The following PIK3C2A variants were observed in gnomAD, a reference collection of about 807,000 sequenced individuals.
PIK3C2A encodes phosphatidylinositol-4-phosphate 3-kinase catalytic subunit type 2 alpha.
A neutral mutation model predicts 204.5 loss-of-function variants in PIK3C2A; 97 were observed. The ratio of observed to expected loss-of-function variants is 0.47; its 90% confidence interval spans 0.40 to 0.56. PIK3C2A has a LOEUF of 0.56. PIK3C2A is among the 20% of genes least tolerant of loss of function. The probability of loss-of-function intolerance (pLI) is 0.00; values close to 1 mark genes in which losing one functional copy is unlikely to be tolerated. For missense variants in PIK3C2A, 1,735 were observed against 1,969.2 expected, an observed-to-expected ratio of 0.88 and a Z score of 2.25; for synonymous variants, 653 against 664.4, an observed-to-expected ratio of 0.98 and a Z score of 0.26.
At chr11:17,098,674 C>T (rs542333355) in intron 26 of PIK3C2A, among the ~76,000 whole-genome samples, 1 of 152,278 alleles carries the variant, frequency 6.6e-6, no homozygotes, top group Admixed American at 6.5e-5. Context: ...GAAGGCTATA[C>T]AAAAGTCAGC....
rs768487139 is a variant in PIK3C2A, at chr11:17,150,637, T to C, written c.1188A>G (p.Pro396=). The change falls in exon 4 of 33, where the codon CCA becomes CCG. Residue 396 remains proline, a synonymous_variant. Transcript: ENST00000691414. Reference sequence around the variant, plus strand: ...CTGGGTTTGTGCGGTGATTGGTATATGGAAATTTGGTCTTCAATCTGTTCA... The same window carrying C: ...CTGGGTTTGTGCGGTGATTGGTATACGGAAATTTGGTCTTCAATCTGTTCA... ...RSITKLKTKF[P]YTNHRTNPGY... 13 of 1,595,126 alleles carry C rather than the reference T, an allele frequency of 8.1e-6. No homozygotes were observed. Among genetic ancestry groups the C allele is most frequent in the Admixed American group, 1.8e-5 (1 of 54,708 alleles).
At chr11:17,192,592 G>A (rs1851980464) in intron 1 of PIK3C2A, among the ~76,000 whole-genome samples, 2 of 152,326 alleles carry the variant, frequency 1.3e-5, no homozygotes, top group South Asian at 2.1e-4. Context: ...GATTACAGGT[G>A]TGTGCTACCA....
intron 19 of PIK3C2A, among the ~76,000 whole-genome samples, chr11:17,116,593 T>C (rs1477202636): frequency 6.6e-6 from 1 of 151,596 alleles, no homozygotes; most frequent in African/African-American, 2.4e-5. Flanking sequence ...ATAGCAGTAT[T>C]CTTTTTTTTT....
At chr11:17,164,409 G>C (rs558776463) in intron 2 of PIK3C2A, among the ~76,000 whole-genome samples, 1 of 151,774 alleles carries the variant, frequency 6.6e-6, no homozygotes, top group African/African-American at 2.4e-5. Flanking sequence ...CCCCTCTTAG[G>C]ATATACTCAA....
intron 1 of PIK3C2A, among the ~76,000 whole-genome samples, chr11:17,178,108 A>AAAG (rs1851400117): frequency 1.0e-5 from 1 of 96,794 alleles, no homozygotes; most frequent in Middle Eastern, 5.0e-3. Context: ...AAAAAAAAAA[A>AAAG]AAAAGAAAAA....
chr11:17,115,033 T>C (rs1248959237), intron 19 of PIK3C2A, among the ~76,000 whole-genome samples: 2 of 152,178 alleles, frequency 1.3e-5, no homozygotes, highest in Non-Finnish European at 2.9e-5. Context: ...TAGTTTATAA[T>C]TAAGATTGTA....
At chr11:17,119,366 C>G in intron 16 of PIK3C2A, 53 bp from the exon 17 acceptor site, 1 of 1,077,216 alleles carries the variant, frequency 9.3e-7, no homozygotes, top group Non-Finnish European at 1.4e-6. Context: ...TCCAGTGAAG[C>G]TGTATTTTTT....
chr11:17,205,134 G>A (rs1423041870), intron 1 of PIK3C2A, among the ~76,000 whole-genome samples: 2 of 151,852 alleles, frequency 1.3e-5, no homozygotes, highest in South Asian at 2.1e-4. Context: ...CTGAGATCAC[G>A]CCACTGCACT....
intron 26 of PIK3C2A, among the ~76,000 whole-genome samples, chr11:17,098,604 T>G (rs1848522704): frequency 6.6e-6 from 1 of 152,166 alleles, no homozygotes; most frequent in South Asian, 2.1e-4. Context: ...CCAATGAATC[T>G]CTCTTAAAAA....
intron 1 of PIK3C2A, among the ~76,000 whole-genome samples, chr11:17,196,226 T>C (rs1281357227): frequency 1.3e-5 from 2 of 152,174 alleles, no homozygotes; most frequent in African/African-American, 4.8e-5. Flanking sequence ...TTATTAAATT[T>C]GATATACCTC....
At chr11:17,139,416 C>T (rs575280039) in intron 8 of PIK3C2A, among the ~76,000 whole-genome samples, 2 of 151,628 alleles carry the variant, frequency 1.3e-5, no homozygotes, top group African/African-American at 4.8e-5. Context: ...TTAGTAGAGA[C>T]CGGCTTTCGC....
chr11:17,128,067 T>C (rs531863208), intron 13 of PIK3C2A, among the ~76,000 whole-genome samples: 1 of 152,234 alleles, frequency 6.6e-6, no homozygotes, highest in East Asian at 1.9e-4. Context: ...CACCACTTAT[T>C]TCATAGAGCA....
intron 17 of PIK3C2A, among the ~76,000 whole-genome samples, 155 bp downstream of exon 17, chr11:17,119,065 G>A (rs1849292335): frequency 6.6e-6 from 1 of 152,118 alleles, no homozygotes; most frequent in Admixed American, 6.5e-5. Flanking sequence ...GACAATAGTG[G>A]GGAAAAAATT....
chr11:17,120,303 A>G (rs1176400938), intron 15 of PIK3C2A, among the ~76,000 whole-genome samples: 2 of 152,130 alleles, frequency 1.3e-5, no homozygotes, highest in African/African-American at 4.8e-5. Context: ...ACCCTAAGAG[A>G]TAGCAAGGAT....
intron 8 of PIK3C2A, among the ~76,000 whole-genome samples, chr11:17,143,467 G>C (rs2137415945): frequency 6.6e-6 from 1 of 152,098 alleles, no homozygotes; most frequent in South Asian, 2.1e-4. Flanking sequence ...CCCACCCTAG[G>C]CTAAAAACAC....
chr11:17,153,690 T>A (rs1219677548), intron 3 of PIK3C2A, among the ~76,000 whole-genome samples: 1 of 152,220 alleles, frequency 6.6e-6, no homozygotes, highest in Non-Finnish European at 1.5e-5. Flanking sequence ...TCCAAGTCTG[T>A]TTTGTATTTT....
Position 17,122,170 on chromosome 11 carries a change from A to C in PIK3C2A, c.2657+18T>G, listed in dbSNP as rs573536547. 1 of 1,544,488 alleles carries C rather than the reference A, an allele frequency of 6.5e-7. No individual in the cohort carries two copies. The highest frequency in any genetic ancestry group is 1.1e-5 in the South Asian group (1 of 87,996). On this transcript the variant is annotated intron_variant, in intron 15 of 32. Transcript: ENST00000691414. Reference sequence around the variant, plus strand: ...TTACAGGAGATACTTAGCCCAAAACAGAATAAACAGAACATACCCAAGTGA... The same window carrying C: ...TTACAGGAGATACTTAGCCCAAAACCGAATAAACAGAACATACCCAAGTGA...
chr11:17,119,670 A>C, intron 16 of PIK3C2A, 116 bp downstream of exon 16: 1 of 609,724 alleles, frequency 1.6e-6, no homozygotes, highest in Non-Finnish European at 2.8e-6. Context: ...ATACATTTAC[A>C]CATTTGGATT....
At position 17,169,374 on chromosome 11, in the gene PIK3C2A, A is replaced by G. The variant is rs766854279; in HGVS notation, c.368T>C (p.Leu123Pro). The change falls in exon 2 of 33, where the codon CTG becomes CCG. Residue 123 changes from leucine (L) to proline (P), a missense_variant. Transcript: ENST00000691414. ...GAGCTGTGCTGAAAAGGAAGGGCTCAGAATAGGAGTAACTGGTAATACAGG... is the reference window on the plus strand; with the variant it reads ...GAGCTGTGCTGAAAAGGAAGGGCTCGGAATAGGAGTAACTGGTAATACAGG... ...KTPVLPVTPI[L>P]SPSFSAQLYF... 1.2e-6 allele frequency: 2 copies of G among 1,613,874 alleles called. No homozygotes were observed. The highest frequency in any genetic ancestry group is 2.7e-5 in the African/African-American group (2 of 74,914).
Sources: allele counts gnomAD v4.1 joint callset (sites outside exome capture counted in the v4.1 genomes callset), GRCh38; gene constraint gnomAD v4.1.1; transcripts MANE v1.5; gene names NCBI Gene and HGNC (gene_info 2026-07-23, HGNC 2026-07-21).